CDH8: variants seen among roughly 807,000 people sequenced by gnomAD.
CDH8 encodes cadherin 8, also known as cadherin-8.
In CDH8, 17 loss-of-function variants were observed where a neutral mutation model predicts 68.1. The observed-to-expected ratio is 0.25, with a 90% CI of 0.17 to 0.37. CDH8 has a LOEUF of 0.37. Among genes scored for constraint, CDH8 ranks in the 10% least tolerant of loss-of-function variants. CDH8 has a pLI of 1.00. For missense variants in CDH8, 763 were observed against 999.3 expected (o/e 0.76, Z 3.19); for synonymous variants, 372 against 365.1 (o/e 1.02, Z -0.21).
At chr16:61,937,576 A>G (rs891224237) in intron 2 of CDH8, among the ~76,000 whole-genome samples, 1 of 152,200 alleles carries the variant, frequency 6.6e-6, no homozygotes, top group African/African-American at 2.4e-5. Context: ...AACAGCAGAC[A>G]CTTTATAGGC....
intron 8 of CDH8, among the ~76,000 whole-genome samples, chr16:61,782,666 C>A (rs868574214): frequency 0.014 from 2,132 of 152,114 alleles, 62 homozygotes; most frequent in African/African-American, 0.049. Context: ...ACAGCAGTAA[C>A]CTCTGCAGAC....
intron 8 of CDH8, among the ~76,000 whole-genome samples, chr16:61,760,376 A>G (rs907445894): frequency 1.5e-4 from 22 of 151,710 alleles, no homozygotes; most frequent in Non-Finnish European, 3.1e-4. Flanking sequence ...CAGTGGCGCA[A>G]TCTCGGGTCA....
intron 7 of CDH8, among the ~76,000 whole-genome samples, chr16:61,793,798 T>C (rs1567473244): frequency 6.6e-6 from 1 of 152,078 alleles, no homozygotes; most frequent in Non-Finnish European, 1.5e-5. Flanking sequence ...CAAATGATAT[T>C]TCTGTCTCTA....
intron 5 of CDH8, among the ~76,000 whole-genome samples, chr16:61,821,541 A>G (rs1384619929): frequency 6.6e-6 from 1 of 152,082 alleles, no homozygotes; most frequent in Non-Finnish European, 1.5e-5. Flanking sequence ...TGTGTAACAC[A>G]CTGGAAGTCA....
At chr16:61,677,025 A>G (rs1221055848) in intron 10 of CDH8, among the ~76,000 whole-genome samples, 2 of 152,030 alleles carry the variant, frequency 1.3e-5, no homozygotes, top group Admixed American at 1.3e-4. Flanking sequence ...ATACCACAAA[A>G]AAAGATGGCT....
chr16:61,799,683 T>A (rs1352406696), intron 7 of CDH8, among the ~76,000 whole-genome samples: 1 of 152,102 alleles, frequency 6.6e-6, no homozygotes, highest in Non-Finnish European at 1.5e-5. Context: ...TTGGTAAAAA[T>A]TGTTTACCAT....
chr16:61,878,869 C>A (rs1963512694), intron 3 of CDH8, among the ~76,000 whole-genome samples: 1 of 152,176 alleles, frequency 6.6e-6, no homozygotes, highest in South Asian at 2.1e-4. Flanking sequence ...CCATGATCCA[C>A]AATTCACTCT....
intron 10 of CDH8, among the ~76,000 whole-genome samples, chr16:61,675,206 C>A (rs1170063392): frequency 2.0e-5 from 3 of 151,828 alleles, no homozygotes; most frequent in Non-Finnish European, 2.9e-5. Context: ...TCCCAAATGT[C>A]CAACAATGAT....
intron 2 of CDH8, among the ~76,000 whole-genome samples, chr16:61,967,755 G>T (rs1031050643): frequency 1.3e-5 from 2 of 152,154 alleles, no homozygotes; most frequent in Non-Finnish European, 2.9e-5. Flanking sequence ...TCAGATTAGG[G>T]ATGCTCAATC....
chr16:61,911,518 C>A (rs756042716), intron 2 of CDH8, among the ~76,000 whole-genome samples: 4 of 152,042 alleles, frequency 2.6e-5, no homozygotes, highest in Non-Finnish European at 4.4e-5. Flanking sequence ...CTAAAGCAGG[C>A]ATAGGCGTTG....
chr16:61,924,344 TCTA>T (rs774753140), intron 2 of CDH8, among the ~76,000 whole-genome samples: 2 of 152,290 alleles, frequency 1.3e-5, no homozygotes, highest in East Asian at 1.9e-4. Flanking sequence ...TTATAATACT[TCTA>T]CTGTGTGCAC....
In CDH8 at chr16:61,953,895, T is replaced by TTATATATATATATATATATATATA. The variant is rs66743095; in HGVS notation, c.253-52446_253-52423dup. The stretch of plus-strand genomic sequence containing the variant: ...CTGTCTCAAAAAGAAAAAAAAAACT[T>TTATATATATATATATATATATATA]TATATATATATATATATATATATAT... On this transcript the variant is annotated intron_variant, in intron 2 of 11. Coordinates refer to ENST00000577390, the MANE Select transcript of CDH8 (RefSeq NM_001796.5). Among the ~76,000 whole-genome samples the TTATATATATATATATATATATATA allele has an allele frequency of 9.0e-4, 107 of 118,828 alleles. 1 individual carries two copies. The highest frequency in any genetic ancestry group is 3.7e-3 in the African/African-American group (98 of 26,566). The allele number at this position is 118,828 out of a possible 152,430, so 78.0% of individuals were successfully genotyped here.
At chr16:61,773,778 A>G (rs1960840100) in intron 8 of CDH8, among the ~76,000 whole-genome samples, 1 of 152,134 alleles carries the variant, frequency 6.6e-6, no homozygotes, top group Admixed American at 6.6e-5. Context: ...GAGCAGGCAT[A>G]ACTTATTCTT....
chr16:61,803,651 A>C (rs934396309), intron 7 of CDH8, among the ~76,000 whole-genome samples: 2 of 151,562 alleles, frequency 1.3e-5, no homozygotes, highest in South Asian at 4.2e-4. Flanking sequence ...AACAAAAAAA[A>C]GGCAGGGGTT....
intron 2 of CDH8, among the ~76,000 whole-genome samples, chr16:61,932,644 A>G (rs1964564023): frequency 6.6e-6 from 1 of 152,166 alleles, no homozygotes; most frequent in Non-Finnish European, 1.5e-5. Flanking sequence ...CAGTTGTTTC[A>G]TGACCCATTC....
At chr16:61,772,411 A>T (rs779263241) in intron 8 of CDH8, among the ~76,000 whole-genome samples, 28 of 152,084 alleles carry the variant, frequency 1.8e-4, no homozygotes, top group Non-Finnish European at 3.7e-4. Context: ...AGACAAAGCT[A>T]GGATTAAATC....
At chr16:61,672,021 G>A (rs1385250460) in intron 10 of CDH8, among the ~76,000 whole-genome samples, 1 of 152,026 alleles carries the variant, frequency 6.6e-6, no homozygotes, top group African/African-American at 2.4e-5. Context: ...ACATTTTGAA[G>A]TCATGCATTA....
At chr16:61,912,777 ATCT>A (rs1381312988) in intron 2 of CDH8, among the ~76,000 whole-genome samples, 1 of 152,200 alleles carries the variant, frequency 6.6e-6, no homozygotes, top group Admixed American at 6.5e-5. Context: ...ACAGTCAAAA[ATCT>A]TCTCAGATTA....
Position 61,864,261 on chromosome 16 carries a change from T to TGTTGGTTG in CDH8, c.548-7031_548-7024dup, listed in dbSNP as rs565374261. Among the ~76,000 whole-genome samples the TGTTGGTTG allele has an allele frequency of 2.4e-4, 36 of 150,516 alleles. 1 individual carries two copies. Among genetic ancestry groups the TGTTGGTTG allele is most frequent in the Non-Finnish European group, 3.2e-4 (22 of 67,958 alleles). ...CACATATTTCTAGAGGTTTTATGTG[T>TGTTGGTTG]GTTGGTTGGTTGGTTGGTTGGCTGG... On this transcript the variant is annotated intron_variant, in intron 3 of 11. Transcript: ENST00000577390.
Sources: gnomAD v4.1 joint callset for allele counts (sites outside exome capture counted in the v4.1 genomes callset) on GRCh38, gnomAD v4.1.1 for gene constraint, MANE v1.5 for transcripts, NCBI Gene and HGNC (gene_info 2026-07-23, HGNC 2026-07-21) for gene names.